PRKG1: variants seen among roughly 807,000 people sequenced by gnomAD.
PRKG1 encodes cGMP-dependent protein kinase 1.
A neutral mutation model predicts 88.1 loss-of-function variants in PRKG1; 35 were observed. The observed-to-expected ratio is 0.40, with a 90% CI of 0.30 to 0.53. The LOEUF (loss-of-function observed/expected upper bound fraction) is 0.53. PRKG1 is among the 20% of genes least tolerant of loss of function. The pLI, the probability that PRKG1 is intolerant of heterozygous loss-of-function variation, is 0.59. For missense variants in PRKG1, 540 were observed against 839.8 expected (o/e 0.64, Z 4.41); for synonymous variants, 303 against 292.5 (o/e 1.04, Z -0.37).
At chr10:51,714,993 C>A (rs1275813158) in intron 3 of PRKG1, among the ~76,000 whole-genome samples, 1 of 152,006 alleles carries the variant, frequency 6.6e-6, no homozygotes, top group Non-Finnish European at 1.5e-5. Context: ...TTACCGTATG[C>A]CACTATTCTT....
intron 9 of PRKG1, among the ~76,000 whole-genome samples, chr10:52,218,173 T>G (rs1174701860): frequency 6.9e-6 from 1 of 144,706 alleles, no homozygotes; most frequent in Non-Finnish European, 1.5e-5. Context: ...GATCACCCAC[T>G]GCACGCTAGC....
At chr10:51,772,390 TTTAA>T (rs1838325883) in intron 3 of PRKG1, among the ~76,000 whole-genome samples, 1 of 152,112 alleles carries the variant, frequency 6.6e-6, no homozygotes, top group Non-Finnish European at 1.5e-5. Flanking sequence ...AAATAGGGTA[TTTAA>T]TTATGGAACA....
At chr10:51,927,211 T>C (rs186225689) in intron 5 of PRKG1, among the ~76,000 whole-genome samples, 21 of 152,312 alleles carry the variant, frequency 1.4e-4, no homozygotes, top group African/African-American at 4.3e-4. Context: ...AATTGAATCA[T>C]AGGGGTGGTT....
intron 4 of PRKG1, among the ~76,000 whole-genome samples, chr10:51,837,580 G>T (rs1840163431): frequency 1.3e-5 from 2 of 151,984 alleles, no homozygotes; most frequent in Non-Finnish European, 1.5e-5. Context: ...CTCTCCATTG[G>T]GGTAAGGCCC....
chr10:51,436,956 G>C (rs1373284151), intron 2 of PRKG1, among the ~76,000 whole-genome samples: 3 of 151,994 alleles, frequency 2.0e-5, no homozygotes, highest in Non-Finnish European at 4.4e-5. Flanking sequence ...ACATGGAATT[G>C]GTAGCCAGGC....
intron 2 of PRKG1, among the ~76,000 whole-genome samples, chr10:51,269,126 A>G (rs761528789): frequency 6.6e-6 from 1 of 152,182 alleles, no homozygotes; most frequent in Non-Finnish European, 1.5e-5. Context: ...AAAATCCTCA[A>G]CATCACTAAT....
intron 1 of PRKG1, among the ~76,000 whole-genome samples, chr10:51,079,120 CAAAA>C (rs1844042079): frequency 1.3e-5 from 2 of 152,050 alleles, no homozygotes; most frequent in South Asian, 4.2e-4. Context: ...AATTTAATTC[CAAAA>C]GTGCCCTACA....
At chr10:51,554,203 T>A (rs1837241452) in intron 3 of PRKG1, among the ~76,000 whole-genome samples, 1 of 147,632 alleles carries the variant, frequency 6.8e-6, no homozygotes, top group Non-Finnish European at 1.5e-5. Flanking sequence ...TATGTGCGTA[T>A]GTGATATATG....
At chr10:51,289,689 A>T (rs1423693895) in intron 2 of PRKG1, among the ~76,000 whole-genome samples, 4 of 151,292 alleles carry the variant, frequency 2.6e-5, no homozygotes, top group Non-Finnish European at 4.4e-5. Context: ...AGAGAGAGAG[A>T]GTTTGTGGGG....
At chr10:51,020,372 A>G (rs1232525919) in intron 1 of PRKG1, among the ~76,000 whole-genome samples, 2 of 152,156 alleles carry the variant, frequency 1.3e-5, no homozygotes, top group Non-Finnish European at 2.9e-5. Flanking sequence ...AGAGACGTGT[A>G]CTATAAACAT....
intron 2 of PRKG1, among the ~76,000 whole-genome samples, chr10:51,155,354 T>C (rs1846179948): frequency 6.6e-6 from 1 of 152,082 alleles, no homozygotes; most frequent in Admixed American, 6.6e-5. Context: ...ACATAGAACA[T>C]GCTTTTTCTA....
chr10:51,061,406 T>A (rs1843691314), intron 1 of PRKG1, among the ~76,000 whole-genome samples: 1 of 152,162 alleles, frequency 6.6e-6, no homozygotes, highest in East Asian at 1.9e-4. Context: ...GGAGCTACAC[T>A]TCAAAATGAG....
chr10:51,892,939 A>G (rs945332799), intron 4 of PRKG1, among the ~76,000 whole-genome samples: 1 of 152,194 alleles, frequency 6.6e-6, no homozygotes, highest in African/African-American at 2.4e-5. Flanking sequence ...TTCCTTTTTC[A>G]TTCTTAACAA....
intron 4 of PRKG1, among the ~76,000 whole-genome samples, chr10:51,811,717 C>T (rs1165692573): frequency 6.6e-6 from 1 of 152,164 alleles, no homozygotes; most frequent in East Asian, 1.9e-4. Context: ...AACATATGTC[C>T]TAGTGTTTTT....
At chr10:51,267,099 T>C (rs1839855634) in intron 2 of PRKG1, among the ~76,000 whole-genome samples, 1 of 152,206 alleles carries the variant, frequency 6.6e-6, no homozygotes, top group African/African-American at 2.4e-5. Context: ...GCTGCCGACA[T>C]GAAACTTACT....
In PRKG1 at chr10:51,553,886, TATATA is replaced by T. The variant is rs1281662024; in HGVS notation, c.592+86056_592+86060del. ...AATATATGTATGTATTAGATACGTG[TATATA>T]ATATATGTATGTATTAGATACGTGT... On this transcript the variant is annotated intron_variant, in intron 3 of 17. Transcript: ENST00000373980. Among the ~76,000 whole-genome samples, 17 of 123,984 alleles carry T rather than the reference TATATA, an allele frequency of 1.4e-4. No homozygotes were observed. In the East Asian group the frequency reaches 1.7e-3, roughly 12 times the overall value. 81.3% of individuals were successfully genotyped at this position (123,984 alleles called of 152,430 possible). A position where few individuals can be genotyped will look rare whatever the true frequency, so the allele number is the denominator to read the frequency against.
intron 2 of PRKG1, among the ~76,000 whole-genome samples, chr10:51,235,150 A>G (rs746265341): frequency 6.6e-6 from 1 of 152,266 alleles, no homozygotes; most frequent in Non-Finnish European, 1.5e-5. Context: ...TAGAAACACA[A>G]TTGCTCAAAG....
chr10:51,222,776 T>C (rs1838583337), intron 2 of PRKG1, among the ~76,000 whole-genome samples: 1 of 152,104 alleles, frequency 6.6e-6, no homozygotes, highest in Non-Finnish European at 1.5e-5. Context: ...ACGGTAGGAA[T>C]TACGGTATTC....
rs550323954 is a variant in PRKG1 at position 51,851,323 on chromosome 10, C to T, written c.698+46633C>T. Among the ~76,000 whole-genome samples, 182 of 152,180 alleles carry T rather than the reference C, an allele frequency of 1.2e-3. 1 individual carries two copies. The highest frequency in any genetic ancestry group is 4.0e-3 in the African/African-American group (165 of 41,534). Reference sequence around the variant, plus strand: ...TTTAGCAATGTCTTGAGATATTTTTCGTTATTACAAGTGGAGTTTGTGGGT... The same window carrying T: ...TTTAGCAATGTCTTGAGATATTTTTTGTTATTACAAGTGGAGTTTGTGGGT... On this transcript the variant is annotated intron_variant, in intron 4 of 17. Transcript: ENST00000373980.
Sources: gnomAD v4.1 joint callset for allele counts (sites outside exome capture counted in the v4.1 genomes callset) on GRCh38, gnomAD v4.1.1 for gene constraint, MANE v1.5 for transcripts, NCBI Gene and HGNC (gene_info 2026-07-23, HGNC 2026-07-21) for gene names.